The following SLC35F2 variants were observed in gnomAD, a reference collection of about 807,000 sequenced individuals.
SLC35F2 encodes solute carrier family 35 member F2.
In SLC35F2, 25 loss-of-function variants were observed where a neutral mutation model predicts 38.1. The ratio of observed to expected loss-of-function variants is 0.66; its 90% CI spans 0.48 to 0.92. The LOEUF (loss-of-function observed/expected upper bound fraction) is 0.92. Ranked by LOEUF, SLC35F2 falls within the 40% of genes least tolerant of loss-of-function variation. The pLI, the probability that SLC35F2 is intolerant of heterozygous loss-of-function variation, is 0.00. For missense variants in SLC35F2, 409 were observed against 452.9 expected (o/e 0.90, Z 0.88); for synonymous variants, 173 against 181.7 (o/e 0.95, Z 0.38).
intron 1 of SLC35F2, among the ~76,000 whole-genome samples, chr11:107,830,525 A>C (rs1042141456): frequency 1.4e-5 from 2 of 148,004 alleles, no homozygotes; most frequent in African/African-American, 5.0e-5. Context: ...CGGAGCTTGC[A>C]GTGAGCCGAG....
intron 1 of SLC35F2, 50 bp from the exon 2 acceptor site, chr11:107,816,015 TACACAC>T (rs370565333): frequency 0.02 from 24,698 of 1,226,348 alleles, 97 homozygotes; most frequent in Middle Eastern, 0.038. Context: ...AGTTATACCT[TACACAC>T]ACACACACAC....
Position 107,858,759 on chromosome 11 carries a change from T to A in SLC35F2, c.9A>T (p.Ala3=), listed in dbSNP as rs371255646. 2 of 1,267,510 alleles carry A rather than the reference T, an allele frequency of 1.6e-6. No individual in the cohort carries two copies. Among genetic ancestry groups the A allele is most frequent in the Non-Finnish European group, 2.0e-6 (2 of 998,454 alleles). The allele number at this position is 1,267,510 out of a possible 1,614,324, so 78.5% of individuals were successfully genotyped here. A position where few individuals can be genotyped will look rare whatever the true frequency, so the allele number is the denominator to read the frequency against. The change falls in exon 1 of 8, where the codon GCA becomes GCT. Residue 3 remains alanine, a synonymous_variant. Coordinates refer to ENST00000525815, the MANE Select transcript of SLC35F2 (RefSeq NM_017515.5). ...GGGCGCCGGGGCCCGCTGGCGAGTC[T>A]GCCTCCATCGGCGCCCTTGCGCGTC... is the stretch of plus-strand genomic sequence containing the variant. ME[A]DSPAGPGAPE...
intron 1 of SLC35F2, among the ~76,000 whole-genome samples, chr11:107,856,135 A>AG (rs1196959102): frequency 6.6e-6 from 1 of 151,800 alleles, no homozygotes; most frequent in Admixed American, 6.6e-5. Flanking sequence ...AAGAAGAAGA[A>AG]AAGAAAAGAA....
Position 107,803,074 on chromosome 11 carries a change from G to A in SLC35F2, c.866C>T (p.Thr289Ile). 6.2e-7 allele frequency: 1 copy of A among 1,614,104 alleles called. No individual in the cohort carries two copies. Among genetic ancestry groups the A allele is most frequent in the Non-Finnish European group, 8.5e-7 (1 of 1,179,992 alleles). ...TGTCAGGATGCCCAGGTTGACGGAA[G>A]TGGCACTAGTGACTTTAATCACCAA... ...MPLVIKVTSATSVNLGILTAD... is the reference protein window; with the variant it reads ...MPLVIKVTSAISVNLGILTAD... The change falls in exon 7 of 8, where the codon ACT becomes ATT. Residue 289 changes from threonine (T) to isoleucine (I), a missense_variant. Thr to Ile is a moderately conservative substitution (Grantham distance 89). Transcript: ENST00000525815.
At chr11:107,835,138 G>A (rs778852213) in intron 1 of SLC35F2, among the ~76,000 whole-genome samples, 3 of 152,200 alleles carry the variant, frequency 2.0e-5, no homozygotes, top group Non-Finnish European at 4.4e-5. Context: ...ACACTCACAT[G>A]CAAAAACAGA....
chr11:107,800,563 C>A (rs1361282072), intron 7 of SLC35F2, among the ~76,000 whole-genome samples: 1 of 152,162 alleles, frequency 6.6e-6, no homozygotes, highest in African/African-American at 2.4e-5. Context: ...AGCAGGTCAA[C>A]AATCCTTTAC....
chr11:107,801,500 A>G (rs1190877975), intron 7 of SLC35F2, among the ~76,000 whole-genome samples: 1 of 152,142 alleles, frequency 6.6e-6, no homozygotes, highest in Non-Finnish European at 1.5e-5. Context: ...GTTAATAAGT[A>G]TTTTTTAATT....
chr11:107,843,862 AAAAAAAATATATATATAT>A (rs1184832597), intron 1 of SLC35F2, among the ~76,000 whole-genome samples: 474 of 37,188 alleles, frequency 0.013, 22 homozygotes, highest in African/African-American at 0.042. Context: ...AAAAAAAAAA[AAAAAAAATATATATATAT>A]ATATATATAT....
At chr11:107,827,129 T>C (rs1859764661) in intron 1 of SLC35F2, among the ~76,000 whole-genome samples, 1 of 152,162 alleles carries the variant, frequency 6.6e-6, no homozygotes, top group African/African-American at 2.4e-5. Flanking sequence ...GTTAAAAACC[T>C]TATAGTTTTG....
chr11:107,844,818 C>A (rs1441476621), intron 1 of SLC35F2, among the ~76,000 whole-genome samples: 24 of 149,042 alleles, frequency 1.6e-4, no homozygotes, highest in African/African-American at 4.9e-4. Context: ...ACTAAAAATA[C>A]AAAAAAAATT....
chr11:107,793,073 C>T (rs1370470699), intron 7 of SLC35F2: 4 of 253,250 alleles, frequency 1.6e-5, no homozygotes, highest in African/African-American at 9.4e-5. Context: ...CTCACCACCA[C>T]ACCCGGCCAA....
At chr11:107,816,401 C>A in intron 1 of SLC35F2, 1 of 506,980 alleles carries the variant, frequency 2.0e-6, no homozygotes, top group Non-Finnish European at 2.6e-6. Context: ...CCCACTTCAG[C>A]CTCCAAATAA....
intron 5 of SLC35F2, 81 bp from the exon 6 acceptor site, chr11:107,804,851 A>T: frequency 8.1e-7 from 1 of 1,231,230 alleles, no homozygotes; most frequent in Non-Finnish European, 1.2e-6. Flanking sequence ...ACTATACTTC[A>T]GCTAAAGTGA....
intron 1 of SLC35F2, among the ~76,000 whole-genome samples, chr11:107,839,579 G>A (rs975291002): frequency 6.6e-6 from 1 of 152,222 alleles, no homozygotes; most frequent in African/African-American, 2.4e-5. Context: ...ATAAAAATAA[G>A]GGAAAATATA....
At chr11:107,819,348 G>A (rs1352680361) in intron 1 of SLC35F2, among the ~76,000 whole-genome samples, 6 of 152,178 alleles carry the variant, frequency 3.9e-5, no homozygotes. Flanking sequence ...AGGTGATGAT[G>A]TCAAGAACTG....
chr11:107,837,043 A>C (rs1289135349), intron 1 of SLC35F2, among the ~76,000 whole-genome samples: 1 of 152,192 alleles, frequency 6.6e-6, no homozygotes, highest in Non-Finnish European at 1.5e-5. Context: ...AAATAAAACC[A>C]GGCCATCAAG....
rs762968781 is a variant in SLC35F2 at position 107,792,747 on chromosome 11, C to T, written c.993G>A (p.Leu331=). ...CCGTGCGAGTAGGGGTGGAGCAGTA[C>T]AGGATAAACCCCACCATGATGACAG... The part of the protein sequence containing the change: ...SFTVIMVGFI[L]YCSTPTRTAE... Residue 331 remains leucine (L), a synonymous_variant, in exon 8 of 8, where the codon CTG becomes CTA. Transcript: ENST00000525815. The T allele has an allele frequency of 4.3e-6, 7 of 1,610,470 alleles. No individual in the cohort carries two copies. In the South Asian group the frequency reaches 5.5e-5, roughly 13 times the overall value.
intron 1 of SLC35F2, among the ~76,000 whole-genome samples, chr11:107,818,130 A>AAGAAAG (rs1859614212): frequency 2.7e-5 from 4 of 149,620 alleles, no homozygotes; most frequent in Admixed American, 1.3e-4. Flanking sequence ...GAAAGAAAGA[A>AAGAAAG]AGAAAAAGAA....
intron 1 of SLC35F2, among the ~76,000 whole-genome samples, chr11:107,825,150 T>C (rs1859733614): frequency 6.6e-6 from 1 of 152,236 alleles, no homozygotes. Context: ...GTGGCTAGTA[T>C]AAATGAGGAA....
Sources: allele counts gnomAD v4.1 joint callset (sites outside exome capture counted in the v4.1 genomes callset), GRCh38; gene constraint gnomAD v4.1.1; transcripts MANE v1.5; gene names NCBI Gene and HGNC (gene_info 2026-07-23, HGNC 2026-07-21).